The following LEPR variants were observed in gnomAD, a reference collection of about 807,000 sequenced individuals.
LEPR encodes leptin receptor, also known as OB receptor.
In LEPR, 56 loss-of-function variants were observed where a neutral mutation model predicts 114.7. The observed-to-expected ratio is 0.49, with a 90% CI of 0.39 to 0.61. LEPR has a LOEUF of 0.61. Among genes scored for constraint, LEPR ranks in the 20% least tolerant of loss-of-function variants. The pLI is 0.00. For synonymous variants in LEPR, 443 were observed against 461.4 expected (o/e 0.96, Z 0.51); for missense variants, 1,202 against 1,352.9 (o/e 0.89, Z 1.75).
At chr1:65,475,792 G>A (rs867608427) in intron 2 of LEPR, among the ~76,000 whole-genome samples, 6 of 152,156 alleles carry the variant, frequency 3.9e-5, no homozygotes, top group Middle Eastern at 6.8e-3. Flanking sequence ...GAGGCAGGAG[G>A]ATCACTTGAG....
chr1:65,615,897 T>G, intron 14 of LEPR, 111 bp from the exon 15 acceptor site: 1 of 1,418,404 alleles, frequency 7.1e-7, no homozygotes, highest in Non-Finnish European at 9.7e-7. Context: ...GTACCTGCCC[T>G]GATCTGGCCC....
chr1:65,445,659 A>G (rs1011039688), intron 2 of LEPR, among the ~76,000 whole-genome samples: 4 of 151,942 alleles, frequency 2.6e-5, no homozygotes, highest in African/African-American at 9.7e-5. Context: ...TAAACAGCAA[A>G]TCTTTCAATG....
intron 19 of LEPR, chr1:65,634,910 C>T (rs1303547724): frequency 1.2e-6 from 1 of 824,744 alleles, no homozygotes; most frequent in African/African-American, 1.9e-5. Flanking sequence ...ACAGTTTTCT[C>T]TTCATATATT....
chr1:65,504,500 A>G (rs991787360), intron 2 of LEPR, among the ~76,000 whole-genome samples: 5 of 152,242 alleles, frequency 3.3e-5, no homozygotes, highest in Non-Finnish European at 5.9e-5. Context: ...CTTCCTCTGC[A>G]TGTAACAAAC....
At chr1:65,454,809 C>T (rs1646844242) in intron 2 of LEPR, among the ~76,000 whole-genome samples, 1 of 152,104 alleles carries the variant, frequency 6.6e-6, no homozygotes. Context: ...CTCTGTATTT[C>T]CTGAATCTGA....
At chr1:65,579,157 G>T (rs1358567582) in intron 5 of LEPR, among the ~76,000 whole-genome samples, 1 of 152,218 alleles carries the variant, frequency 6.6e-6, no homozygotes, top group Non-Finnish European at 1.5e-5. Flanking sequence ...AGATTCTTCA[G>T]TCAGATATTG....
At chr1:65,569,072 G>A (rs1202679358) in intron 3 of LEPR, among the ~76,000 whole-genome samples, 1 of 151,878 alleles carries the variant, frequency 6.6e-6, no homozygotes, top group African/African-American at 2.4e-5. Flanking sequence ...CTGGATATTA[G>A]TCCTTTGTTG....
intron 5 of LEPR, among the ~76,000 whole-genome samples, chr1:65,582,661 C>G (rs1159528274): frequency 1.2e-4 from 18 of 152,180 alleles, no homozygotes; most frequent in Admixed American, 1.2e-3. Context: ...CACTTTTCCT[C>G]TCTTCTTTTA....
chr1:65,473,369 T>C (rs1217048629), intron 2 of LEPR, among the ~76,000 whole-genome samples: 2 of 152,224 alleles, frequency 1.3e-5, no homozygotes, highest in Non-Finnish European at 2.9e-5. Flanking sequence ...TGTTTTCTCA[T>C]TGATTTCTCA....
chr1:65,454,816 C>T (rs987669372), intron 2 of LEPR, among the ~76,000 whole-genome samples: 15 of 152,254 alleles, frequency 9.9e-5, no homozygotes, highest in Non-Finnish European at 2.1e-4. Context: ...TTTCCTGAAT[C>T]TGAATGTTAG....
intron 2 of LEPR, among the ~76,000 whole-genome samples, chr1:65,507,476 C>A (rs1392265783): frequency 7.5e-6 from 1 of 133,456 alleles, no homozygotes; most frequent in African/African-American, 2.8e-5. Flanking sequence ...TATATATACA[C>A]ATATATATGT....
At chr1:65,578,925 C>A (rs116179161) in intron 5 of LEPR, among the ~76,000 whole-genome samples, 311 of 152,254 alleles carry the variant, frequency 2.0e-3, no homozygotes, top group African/African-American at 6.6e-3. Flanking sequence ...CTTTAAGTCA[C>A]CCAGAGGAGG....
intron 14 of LEPR, among the ~76,000 whole-genome samples, chr1:65,611,958 G>T (rs1478285237): frequency 2.0e-5 from 3 of 152,216 alleles, no homozygotes; most frequent in African/African-American, 7.2e-5. Context: ...GTGGGAGGGA[G>T]ACAGGACCCT....
intron 19 of LEPR, chr1:65,629,278 C>A: frequency 2.5e-6 from 1 of 397,232 alleles, no homozygotes; most frequent in Non-Finnish European, 4.9e-6. Flanking sequence ...CGCTTCCCTC[C>A]ATTTCTCCCT....
intron 2 of LEPR, among the ~76,000 whole-genome samples, chr1:65,524,874 A>G (rs1570608243): frequency 6.6e-6 from 1 of 152,362 alleles, no homozygotes; most frequent in East Asian, 1.9e-4. Context: ...ACACTCCTCA[A>G]TAAAGACGCA....
At chr1:65,439,189 A>C (rs1043929424) in intron 2 of LEPR, among the ~76,000 whole-genome samples, 4 of 152,288 alleles carry the variant, frequency 2.6e-5, no homozygotes, top group African/African-American at 9.6e-5. Context: ...TTGAGACATC[A>C]ATTTTCCGCA....
chr1:65,471,880 C>G lies in LEPR; in HGVS notation c.-21+46502C>G, dbSNP rs996298538. Among the ~76,000 whole-genome samples the G allele has an allele frequency of 6.6e-5, 10 of 152,008 alleles. 1 individual carries two copies. Among genetic ancestry groups the G allele is most frequent in the South Asian group, 4.2e-4 (2 of 4,816 alleles). On this transcript the variant is annotated intron_variant, in intron 2 of 19. Transcript: ENST00000349533. ...AGTTCAAAATAGAAACATAACATCC[C>G]GTGATATTAGAAAATCTCATTACTT...
At chr1:65,569,404 C>G (rs1001709352) in intron 3 of LEPR, among the ~76,000 whole-genome samples, 1 of 152,050 alleles carries the variant, frequency 6.6e-6, no homozygotes, top group Non-Finnish European at 1.5e-5. Flanking sequence ...TATTTTCAAA[C>G]AAATATTTAA....
chr1:65,432,433 A>G (rs1646498819), intron 2 of LEPR: 19 of 705,040 alleles, frequency 2.7e-5, no homozygotes, highest in Non-Finnish European at 3.3e-5. Flanking sequence ...CATTTTGATG[A>G]GATCCAAAGG....
Sources: allele counts gnomAD v4.1 joint callset (sites outside exome capture counted in the v4.1 genomes callset), GRCh38; gene constraint gnomAD v4.1.1; transcripts MANE v1.5; gene names NCBI Gene and HGNC (gene_info 2026-07-23, HGNC 2026-07-21).